Variants in MMP26 observed in about 807,000 individuals in gnomAD.
MMP26 encodes matrix metallopeptidase 26, also known as matrix metalloproteinase-26.
In MMP26, 33 loss-of-function variants were observed where a neutral mutation model predicts 31.0. The ratio of observed to expected loss-of-function variants is 1.06; its 90% CI spans 0.81 to 1.42. MMP26 has a LOEUF of 1.42. Ranked by LOEUF, MMP26 falls within the 40% of genes most tolerant of loss-of-function variation. The probability of loss-of-function intolerance (pLI) is 0.00; values close to 1 mark genes in which losing one functional copy is unlikely to be tolerated. For missense variants in MMP26, 347 were observed against 316.1 expected, an observed-to-expected ratio of 1.10 and a Z score of -0.74; for synonymous variants, 122 against 114.9, an observed-to-expected ratio of 1.06 and a Z score of -0.40.
intron 1 of MMP26, among the ~76,000 whole-genome samples, chr11:4,745,595 C>A (rs971104495): frequency 3.9e-5 from 6 of 152,166 alleles, no homozygotes; most frequent in Non-Finnish European, 8.8e-5. Flanking sequence ...ATCTATGAGG[C>A]AACATTGACA....
In MMP26 at chr11:4,722,867, C is replaced by T. The variant is rs543099401; in HGVS notation, c.-217+17822C>T. ...AGCCGCGCCAGAGCCAAAGCTGGAG[C>T]CCAGGCCATAGCTGAGGCCAGGGCT... On this transcript the variant is annotated intron_variant, in intron 1 of 7. Transcript: ENST00000380390. 4.4e-4 allele frequency: 362 copies of T among 817,152 alleles called. 6 individuals carry two copies. Among genetic ancestry groups the T allele is most frequent in the South Asian group, 3.6e-3 (272 of 75,458 alleles). The allele number at this position is 817,152 out of a possible 1,614,324, so 50.6% of individuals were successfully genotyped here. A position where few individuals can be genotyped will look rare whatever the true frequency, so the allele number is the denominator to read the frequency against.
At chr11:4,944,206 T>A (rs1442107958) in intron 2 of MMP26, 3 of 412,920 alleles carry the variant, frequency 7.3e-6, no homozygotes, top group African/African-American at 2.1e-5. Flanking sequence ...CTAGGATAGG[T>A]TTGTGAAAAC....
At chr11:4,798,975 A>G (rs1209958598) in intron 2 of MMP26, among the ~76,000 whole-genome samples, 1 of 152,206 alleles carries the variant, frequency 6.6e-6, no homozygotes, top group Non-Finnish European at 1.5e-5. Flanking sequence ...CTGATGTACC[A>G]GGAGCTGCCT....
At chr11:4,950,349 A>C (rs2133610314) in intron 2 of MMP26, among the ~76,000 whole-genome samples, 1 of 121,822 alleles carries the variant, frequency 8.2e-6, no homozygotes, top group South Asian at 2.5e-4. Flanking sequence ...CTCAGCCTTA[A>C]AAAAAGGATG....
intron 2 of MMP26, among the ~76,000 whole-genome samples, chr11:4,910,980 A>G (rs1441153608): frequency 2.6e-5 from 4 of 152,196 alleles, no homozygotes; most frequent in Non-Finnish European, 4.4e-5. Flanking sequence ...CAATCATGCC[A>G]GGCCTAAAGT....
chr11:4,711,388 A>C (rs1380635929), intron 1 of MMP26: 1 of 152,202 alleles, frequency 6.6e-6, no homozygotes, highest in African/African-American at 2.4e-5. Context: ...AACAGCTTAT[A>C]TTTGATAGCT....
In MMP26 at chr11:4,894,949, A is replaced by G. The variant is rs186939079; in HGVS notation, c.-144-93119A>G. On this transcript the variant is annotated intron_variant, in intron 2 of 7. Coordinates refer to ENST00000380390, the MANE Select transcript of MMP26 (RefSeq NM_021801.5). ...TAGAGCTCTGTGGCATAATTTATGAACAGGAAATAGTAAAATAGCAAAATT... is the reference window on the plus strand; with the variant it reads ...TAGAGCTCTGTGGCATAATTTATGAGCAGGAAATAGTAAAATAGCAAAATT... 4.1e-4 allele frequency among the ~76,000 whole-genome samples: 63 copies of G among 152,334 alleles called. 1 individual carries two copies. Among genetic ancestry groups the G allele is most frequent in the African/African-American group, 1.5e-3 (61 of 41,570 alleles).
intron 2 of MMP26, among the ~76,000 whole-genome samples, chr11:4,909,897 C>T (rs763132985): frequency 1.1e-4 from 17 of 152,082 alleles, no homozygotes; most frequent in Non-Finnish European, 1.8e-4. Context: ...CTCTGTCTTA[C>T]GCTTCAACAG....
chr11:4,786,068 A>C (rs1056128851), intron 2 of MMP26, among the ~76,000 whole-genome samples: 2 of 152,076 alleles, frequency 1.3e-5, no homozygotes, highest in African/African-American at 4.8e-5. Context: ...ACAAGTCTCT[A>C]TGGGGTTCAA....
intron 2 of MMP26, chr11:4,903,846 T>G (rs1850840761): frequency 6.6e-6 from 1 of 152,074 alleles, no homozygotes; most frequent in African/African-American, 2.4e-5. Context: ...AAATCTAAGG[T>G]TTGTTAAACT....
chr11:4,806,042 G>GA (rs923065061), intron 2 of MMP26, among the ~76,000 whole-genome samples: 19 of 147,518 alleles, frequency 1.3e-4, no homozygotes, highest in Non-Finnish European at 2.4e-4. Context: ...TCATTCACTA[G>GA]AAAAAAAAAA....
At chr11:4,884,624 A>G (rs1352909904) in intron 2 of MMP26, among the ~76,000 whole-genome samples, 1 of 152,102 alleles carries the variant, frequency 6.6e-6, no homozygotes, top group Non-Finnish European at 1.5e-5. Context: ...CTAACCATCC[A>G]AACTTTTCTG....
chr11:4,723,766 A>C, intron 1 of MMP26: 1 of 1,492,156 alleles, frequency 6.7e-7, no homozygotes, highest in Non-Finnish European at 9.3e-7. Flanking sequence ...CATGTTGTCC[A>C]TGTTGCTCCG....
chr11:4,923,121 A>G lies in MMP26; in HGVS notation c.-144-64947A>G, dbSNP rs72858178. Among the ~76,000 whole-genome samples, 633 of 152,320 alleles carry G rather than the reference A, an allele frequency of 4.2e-3. 2 individuals are homozygous for G. The highest frequency in any genetic ancestry group is 7.6e-3 in the Non-Finnish European group (516 of 68,032). On this transcript the variant is annotated intron_variant, in intron 2 of 7. Transcript: ENST00000380390. ...TTGCCAGACACTGTGTTAGAAAACT[A>G]CCTAAATTATTAAATATTTACAACA...
Position 4,950,322 on chromosome 11 carries a change from C to T in MMP26, c.-144-37746C>T, listed in dbSNP as rs1846359223. On this transcript the variant is annotated intron_variant, in intron 2 of 7. Transcript: ENST00000380390. ...AAAGACCTCTGGGAATAAATAATAT[C>T]ATCATATGGAATAGTACTCAGCCTT... is the stretch of plus-strand genomic sequence containing the variant. Among the ~76,000 whole-genome samples the T allele has an allele frequency of 1.7e-5, 2 of 120,650 alleles. 1 individual carries two copies. Among genetic ancestry groups the T allele is most frequent in the Non-Finnish European group, 3.7e-5 (2 of 53,416 alleles). The allele number at this position is 120,650 out of a possible 152,430, so 79.2% of individuals were successfully genotyped here.
At chr11:4,977,776 T>A (rs1379512692) in intron 2 of MMP26, among the ~76,000 whole-genome samples, 1 of 152,130 alleles carries the variant, frequency 6.6e-6, no homozygotes, top group African/African-American at 2.4e-5. Context: ...AGGCTCCAAC[T>A]GTTATATACT....
chr11:4,840,737 A>G (rs2133489122), intron 2 of MMP26, among the ~76,000 whole-genome samples: 1 of 152,342 alleles, frequency 6.6e-6, no homozygotes, highest in South Asian at 2.1e-4. Flanking sequence ...TGAAGACTAC[A>G]ATAAATAAAC....
chr11:4,722,793 T>C (rs1388372185), intron 1 of MMP26: 3 of 993,674 alleles, frequency 3.0e-6, no homozygotes, highest in East Asian at 2.4e-5. Flanking sequence ...GGTCTCGATA[T>C]TCTTCACAAC....
intron 2 of MMP26, chr11:4,882,778 T>C (rs756152315): frequency 6.2e-7 from 1 of 1,613,890 alleles, no homozygotes; most frequent in Non-Finnish European, 8.5e-7. Context: ...ACCCTATCAT[T>C]TACAGCTTGA....
Sources: gnomAD v4.1 joint callset for allele counts (sites outside exome capture counted in the v4.1 genomes callset) on GRCh38, gnomAD v4.1.1 for gene constraint, MANE v1.5 for transcripts, NCBI Gene and HGNC (gene_info 2026-07-23, HGNC 2026-07-21) for gene names.